The following SPIRE1 variants were observed in gnomAD, a reference collection of about 807,000 sequenced individuals.
SPIRE1 encodes spire type actin nucleation factor 1, also known as protein spire homolog 1.
In SPIRE1, 40 loss-of-function variants were observed where a neutral mutation model predicts 94.1. The observed-to-expected ratio is 0.43, with a 90% CI of 0.33 to 0.55. The LOEUF (loss-of-function observed/expected upper bound fraction) is 0.55. Among genes scored for constraint, SPIRE1 ranks in the 20% least tolerant of loss-of-function variants. SPIRE1 has a pLI of 0.06. For missense variants in SPIRE1, 838 were observed against 975.2 expected (o/e 0.86, Z 1.87); for synonymous variants, 376 against 371.7 (o/e 1.01, Z -0.13).
At chr18:12,473,145 A>G (rs1204364015) in intron 10 of SPIRE1, among the ~76,000 whole-genome samples, 1 of 151,850 alleles carries the variant, frequency 6.6e-6, no homozygotes, top group African/African-American at 2.4e-5. Context: ...CTGGCCTCAA[A>G]CTCCTGATCT....
intron 4 of SPIRE1, among the ~76,000 whole-genome samples, chr18:12,519,793 T>C (rs1365086641): frequency 6.6e-6 from 1 of 152,188 alleles, no homozygotes; most frequent in Non-Finnish European, 1.5e-5. Context: ...GAAAACACAT[T>C]GTCAAGATGT....
At chr18:12,514,602 A>G (rs1178239719) in intron 4 of SPIRE1, among the ~76,000 whole-genome samples, 1 of 152,226 alleles carries the variant, frequency 6.6e-6, no homozygotes, top group Non-Finnish European at 1.5e-5. Context: ...CCTATTTAAT[A>G]GCCCTTACCA....
intron 10 of SPIRE1, among the ~76,000 whole-genome samples, chr18:12,476,622 C>T (rs948432217): frequency 5.3e-5 from 7 of 132,004 alleles, no homozygotes; most frequent in East Asian, 4.4e-4. Flanking sequence ...TATACACACA[C>T]ATATATATAC....
chr18:12,659,031 G>GC (rs374967479), upstream of SPIRE1: 98 of 157,868 alleles, frequency 6.2e-4, 1 homozygote, highest in African/African-American at 1.8e-3. Context: ...AAAGAATTCC[G>GC]CCCCCCCAAC....
chr18:12,646,087 G>A (rs1231998082), intron 1 of SPIRE1, among the ~76,000 whole-genome samples: 1 of 152,196 alleles, frequency 6.6e-6, no homozygotes, highest in Non-Finnish European at 1.5e-5. Flanking sequence ...GCATGGGGAA[G>A]TGGGTGGCAG....
intron 16 of SPIRE1, chr18:12,450,656 T>A: frequency 1.6e-6 from 1 of 619,358 alleles, no homozygotes; most frequent in South Asian, 1.9e-5. Flanking sequence ...TAAAGTACAC[T>A]ACCACTGGGA....
intron 10 of SPIRE1, among the ~76,000 whole-genome samples, chr18:12,477,678 A>C (rs2032656516): frequency 6.6e-6 from 1 of 152,156 alleles, no homozygotes; most frequent in South Asian, 2.1e-4. Context: ...ATCACAGAGA[A>C]GGGGTCCTGG....
chr18:12,452,443 A>G (rs1486270566), intron 15 of SPIRE1, 42 bp downstream of exon 15: 1 of 1,614,054 alleles, frequency 6.2e-7, no homozygotes, highest in Non-Finnish European at 8.5e-7. Context: ...AGAGGCAGTC[A>G]CTAAAAGGAA....
chr18:12,537,081 CAAG>C (rs1316640361), intron 3 of SPIRE1, among the ~76,000 whole-genome samples: 1 of 152,088 alleles, frequency 6.6e-6, no homozygotes, highest in Non-Finnish European at 1.5e-5. Context: ...AATACATTCT[CAAG>C]AAAATATCTC....
chr18:12,452,599 G>T lies in SPIRE1; in HGVS notation c.1848-87C>A, dbSNP rs535881853. 6.8e-6 allele frequency: 9 copies of T among 1,326,876 alleles called. No individual in the cohort carries two copies. In the East Asian group the frequency reaches 2.1e-4, roughly 30 times the overall value. The allele number at this position is 1,326,876 out of a possible 1,614,324, so 82.2% of individuals were successfully genotyped here. A position where few individuals can be genotyped will look rare whatever the true frequency, so the allele number is the denominator to read the frequency against. ...GAAGCCTATGGCAGTACAGTTGTAA[G>T]TTTCCACAATAAACTGCATAACTCT... On this transcript the variant is annotated intron_variant, in intron 14 of 16. Coordinates refer to ENST00000409402, the MANE Select transcript of SPIRE1 (RefSeq NM_001128626.2).
chr18:12,483,878 GA>G (rs1346505597), intron 9 of SPIRE1, among the ~76,000 whole-genome samples: 2 of 152,026 alleles, frequency 1.3e-5, no homozygotes, highest in African/African-American at 4.8e-5. Flanking sequence ...ATGCAACAAT[GA>G]AAAACATAAA....
intron 2 of SPIRE1, among the ~76,000 whole-genome samples, chr18:12,579,292 A>G (rs2036198131): frequency 6.6e-6 from 1 of 152,224 alleles, no homozygotes; most frequent in South Asian, 2.1e-4. Context: ...ATACAATGGA[A>G]TATTACTCAG....
chr18:12,488,030 A>C (rs2033099614), intron 8 of SPIRE1, among the ~76,000 whole-genome samples: 1 of 152,298 alleles, frequency 6.6e-6, no homozygotes, highest in Admixed American at 6.5e-5. Context: ...AGGACTTCAG[A>C]TATCCATTGG....
At chr18:12,589,140 T>C (rs1388463668) in intron 2 of SPIRE1, among the ~76,000 whole-genome samples, 3 of 152,138 alleles carry the variant, frequency 2.0e-5, no homozygotes, top group Non-Finnish European at 4.4e-5. Context: ...TTATTTCTCA[T>C]ACAATACTAT....
intron 2 of SPIRE1, among the ~76,000 whole-genome samples, chr18:12,585,436 A>T (rs1454201461): frequency 6.6e-6 from 1 of 152,330 alleles, no homozygotes; most frequent in East Asian, 1.9e-4. Context: ...ATGTCAAGGC[A>T]GTCTCTGAAA....
chr18:12,566,181 C>T (rs2035816242), intron 2 of SPIRE1, among the ~76,000 whole-genome samples: 1 of 151,698 alleles, frequency 6.6e-6, no homozygotes, highest in Non-Finnish European at 1.5e-5. Flanking sequence ...ACCAAAAATA[C>T]AAAAATTAGC....
chr18:12,657,888 C>T lies in SPIRE1; in HGVS notation c.-22G>A. On this transcript the variant is annotated 5_prime_UTR_variant, in exon 1 of 17. Coordinates refer to ENST00000409402, the MANE Select transcript of SPIRE1 (RefSeq NM_001128626.2). Reference sequence around the variant, plus strand: ...CCATCCCGCGGGTGGGCGCTGCGCTCGGCAGTCGCGCCGTGTGCCGGCGTC... The same window carrying T: ...CCATCCCGCGGGTGGGCGCTGCGCTTGGCAGTCGCGCCGTGTGCCGGCGTC... The T allele has an allele frequency of 9.6e-7, 1 of 1,040,168 alleles. No homozygotes were observed. 64.4% of individuals were successfully genotyped at this position (1,040,168 alleles called of 1,614,324 possible). A position where few individuals can be genotyped will look rare whatever the true frequency, so the allele number is the denominator to read the frequency against.
chr18:12,597,730 T>C (rs745780114), intron 2 of SPIRE1, among the ~76,000 whole-genome samples: 1 of 152,238 alleles, frequency 6.6e-6, no homozygotes, highest in East Asian at 1.9e-4. Flanking sequence ...CGCTGTTTTT[T>C]AGAGCTGCCC....
chr18:12,525,296 A>AAAAAAAAAAAAT (rs1555619713), intron 4 of SPIRE1, among the ~76,000 whole-genome samples: 1 of 120,172 alleles, frequency 8.3e-6, no homozygotes, highest in African/African-American at 3.3e-5. Flanking sequence ...AAAAAAAAAA[A>AAAAAAAAAAAAT]AATAATAATA....
Sources: gnomAD v4.1 joint callset for allele counts (sites outside exome capture counted in the v4.1 genomes callset) on GRCh38, gnomAD v4.1.1 for gene constraint, MANE v1.5 for transcripts, NCBI Gene and HGNC (gene_info 2026-07-23, HGNC 2026-07-21) for gene names.